The following GDE1 variants were observed in gnomAD, a reference collection of about 807,000 sequenced individuals.
GDE1 encodes the protein RGS16-interacting membrane protein.
Under a neutral mutation model 32.2 loss-of-function variants are expected in GDE1, and 24 were observed. The ratio of observed to expected loss-of-function variants is 0.75; its 90% CI spans 0.54 to 1.05. The LOEUF (loss-of-function observed/expected upper bound fraction) is 1.05. Among genes scored for constraint, GDE1 ranks in the 50% least tolerant of loss-of-function variants. The probability of loss-of-function intolerance (pLI) is 0.00; values close to 1 mark genes in which losing one functional copy is unlikely to be tolerated. For synonymous variants in GDE1, 159 were observed against 158.6 expected (o/e 1.00, Z -0.02); for missense variants, 380 against 415.0 (o/e 0.92, Z 0.73).
At chr16:19,503,728 CCT>C in intron 5 of GDE1, 111 bp from the exon 6 acceptor site, 1 of 881,658 alleles carries the variant, frequency 1.1e-6, no homozygotes, top group Non-Finnish European at 1.8e-6. Context: ...CCAGAGAATG[CCT>C]CCTAACTGGC....
Position 19,521,989 on chromosome 16 carries a change from G to C in GDE1, c.-25C>G, listed in dbSNP as rs572378276. 1.1e-5 allele frequency: 17 copies of C among 1,518,370 alleles called. No individual in the cohort carries two copies. In the South Asian group the frequency reaches 1.7e-4, roughly 15 times the overall value. The allele number at this position is 1,518,370 out of a possible 1,614,324, so 94.1% of individuals were successfully genotyped here. ...TGCCGGCGCCCGCACCGGCACGGAC[G>C]GGAGTCCCGGACCCGCCGGGCTCCT... is the stretch of plus-strand genomic sequence containing the variant. On this transcript the variant is annotated 5_prime_UTR_variant, in exon 1 of 6. Coordinates refer to ENST00000353258, the MANE Select transcript of GDE1 (RefSeq NM_016641.4).
At chr16:19,514,345 C>A (rs1458667217) in intron 2 of GDE1, among the ~76,000 whole-genome samples, 1 of 152,100 alleles carries the variant, frequency 6.6e-6, no homozygotes, top group African/African-American at 2.4e-5. Flanking sequence ...CAGGAACCTC[C>A]ATGTGTTCAA....
Position 19,504,688 on chromosome 16 carries a change from C to G in GDE1, c.848+193G>C, listed in dbSNP as rs567834930. 1.1e-5 allele frequency: 6 copies of G among 537,854 alleles called. No individual in the cohort carries two copies. In the East Asian group the frequency reaches 1.2e-4, roughly 11 times the overall value. 33.3% of individuals were successfully genotyped at this position (537,854 alleles called of 1,614,324 possible). ...CACTAAAAAACCGAAAATATGTGAT[C>G]GACTCGGTCTGAAAACAGTGAAATA... On this transcript the variant is annotated intron_variant, in intron 5 of 5. Transcript: ENST00000353258.
intron 1 of GDE1, 197 bp downstream of exon 1, chr16:19,521,507 T>C (rs1209372482): frequency 1.6e-6 from 1 of 614,920 alleles, no homozygotes. Context: ...TATATACATA[T>C]CTGCTGTCTT....
At position 19,507,766 on chromosome 16, in the gene GDE1, A is replaced by T; in HGVS notation, c.557T>A (p.Leu186Gln). The change falls in exon 4 of 6, where the codon CTA (leucine) becomes CAA (glutamine). Residue 186 changes from leucine (L) to glutamine (Q), a missense_variant. Leu to Gln is a moderately radical substitution (Grantham distance 113, BLOSUM62 -2). Transcript: ENST00000353258. ...AGGAAATTCCATATACATTTTCTTT[A>T]GAGCCTCAGTAGCCTGTAAAATAAA... ...KGHAHKATEALKKMYMEFPQL... is the reference protein window; with the variant it reads ...KGHAHKATEAQKKMYMEFPQL... 6.7e-7 allele frequency: 1 copy of T among 1,502,542 alleles called. No individual in the cohort carries two copies. The highest frequency in any genetic ancestry group is 9.3e-7 in the Non-Finnish European group (1 of 1,079,816). The allele number at this position is 1,502,542 out of a possible 1,614,324, so 93.1% of individuals were successfully genotyped here.
In GDE1 at chr16:19,501,969, G is replaced by C. The variant is rs574867373; in HGVS notation, c.*1501C>G. The C allele has an allele frequency of 6.6e-6, 1 of 152,362 alleles. No homozygotes were observed. The highest frequency in any genetic ancestry group is 1.9e-4 in the East Asian group (1 of 5,184). 9.4% of individuals were successfully genotyped at this position (152,362 alleles called of 1,614,324 possible). On this transcript the variant is annotated 3_prime_UTR_variant, in exon 6 of 6. Coordinates refer to ENST00000353258, the MANE Select transcript of GDE1 (RefSeq NM_016641.4). ...GGGCCTGGACAAAGGCCACAGATGG[G>C]GTTGAAAGGTGAGAAGCGGTAAGCT... is the stretch of plus-strand genomic sequence containing the variant.
In GDE1 at chr16:19,503,611, G is replaced by T; in HGVS notation, c.855C>A (p.Tyr285Ter). ...LMQKDFVSPA[Y>*]LKKWSAKGIQ... ...TTCCTTTAGCTGACCACTTCTTCAAGTAGGCCCTGGGGAAAGAGGAAAGCC... is the reference window on the plus strand; with the variant it reads ...TTCCTTTAGCTGACCACTTCTTCAATTAGGCCCTGGGGAAAGAGGAAAGCC... Residue 285 changes from tyrosine (Y) to a stop codon, truncating the protein, a stop_gained, in exon 6 of 6, where the codon TAC (tyrosine) becomes TAA (stop). Transcript: ENST00000353258. LOFTEE classifies it high-confidence loss of function. 1.2e-6 allele frequency: 2 copies of T among 1,613,458 alleles called. No individual in the cohort carries two copies. The highest frequency in any genetic ancestry group is 1.7e-6 in the Non-Finnish European group (2 of 1,179,504).
chr16:19,520,592 G>A (rs1304529723), intron 1 of GDE1, among the ~76,000 whole-genome samples: 2 of 151,798 alleles, frequency 1.3e-5, no homozygotes, highest in Non-Finnish European at 2.9e-5. Flanking sequence ...GGGCGTGGTG[G>A]CACACGCCTG....
rs1299989550 is a variant in GDE1, at chr16:19,510,837, A to C, written c.543+2T>G. ...AAGTGAAGTCCACAATTTAAACTGTACCTTGTGTGCATGGCCTTTGACATC... is the reference window on the plus strand; with the variant it reads ...AAGTGAAGTCCACAATTTAAACTGTCCCTTGTGTGCATGGCCTTTGACATC... On this transcript the variant is annotated splice_donor_variant, in intron 3 of 5. Coordinates refer to ENST00000353258, the MANE Select transcript of GDE1 (RefSeq NM_016641.4). LOFTEE classifies it high-confidence loss of function. 7.4e-6 allele frequency: 11 copies of C among 1,478,008 alleles called. No homozygotes were observed. The highest frequency in any genetic ancestry group is 8.4e-6 in the Non-Finnish European group (9 of 1,073,694). The allele number at this position is 1,478,008 out of a possible 1,614,324, so 91.6% of individuals were successfully genotyped here.
chr16:19,511,072 A>T (rs12923369), intron 2 of GDE1, 128 bp from the exon 3 acceptor site: 2 of 519,250 alleles, frequency 3.9e-6, no homozygotes, highest in South Asian at 6.1e-5. Context: ...TTTTTCGACC[A>T]TAGCAAAGTC....
Position 19,507,677 on chromosome 16 carries a change from C to T in GDE1, c.636+10G>A, listed in dbSNP as rs374215209. The T allele has an allele frequency of 2.8e-5, 40 of 1,418,186 alleles. No homozygotes were observed. Among genetic ancestry groups the T allele is most frequent in the South Asian group, 4.6e-5 (4 of 87,030 alleles). 87.9% of individuals were successfully genotyped at this position (1,418,186 alleles called of 1,614,324 possible). ...CACCTAATATGTACAAGAAAAATCC[C>T]GAATGTTACCTTGTAGATAACTTCT... On this transcript the variant is annotated intron_variant, in intron 4 of 5. Transcript: ENST00000353258.
intron 4 of GDE1, among the ~76,000 whole-genome samples, chr16:19,506,321 A>AAAC (rs1460898363): frequency 6.6e-6 from 1 of 152,158 alleles, no homozygotes; most frequent in Non-Finnish European, 1.5e-5. Flanking sequence ...CAAACAAAAA[A>AAAC]AACAGAGAGA....
In GDE1 at chr16:19,502,402, T is replaced by C. The variant is rs1969187401; in HGVS notation, c.*1068A>G. 1.1e-5 allele frequency: 1 copy of C among 93,392 alleles called. No individual in the cohort carries two copies. Among genetic ancestry groups the C allele is most frequent in the Admixed American group, 1.3e-4 (1 of 7,644 alleles). 5.8% of individuals were successfully genotyped at this position (93,392 alleles called of 1,614,324 possible). ...TTTTTTTTTTTTTTTTTTTTTTTTT[T>C]TAAGAGTCAGGTTCTCACTGTGCCA... On this transcript the variant is annotated 3_prime_UTR_variant, in exon 6 of 6. Transcript: ENST00000353258.
At chr16:19,509,662 T>G (rs1319019348) in intron 3 of GDE1, among the ~76,000 whole-genome samples, 26 of 61,422 alleles carry the variant, frequency 4.2e-4, no homozygotes, top group African/African-American at 2.7e-3. Context: ...ACATTTCAGG[T>G]TTTTTTTTTT....
At chr16:19,518,587 T>A (rs1267590932) in intron 1 of GDE1, among the ~76,000 whole-genome samples, 1 of 152,192 alleles carries the variant, frequency 6.6e-6, no homozygotes, top group Admixed American at 6.5e-5. Flanking sequence ...TCCCTTTCAT[T>A]CTCCTCCTTT....
Position 19,510,932 on chromosome 16 carries a change from A to G in GDE1, c.450T>C (p.Pro150=). 1 of 1,561,546 alleles carries G rather than the reference A, an allele frequency of 6.4e-7. No homozygotes were observed. The highest frequency in any genetic ancestry group is 8.8e-7 in the Non-Finnish European group (1 of 1,136,000). The change falls in exon 3 of 6, where the codon CCT becomes CCC. Residue 150 remains proline (P), a synonymous_variant. Coordinates refer to ENST00000353258, the MANE Select transcript of GDE1 (RefSeq NM_016641.4). ...AANHRLRNDF[P]DEKIPTLREA... is the part of the protein sequence containing the mutation. ...CCCTTAGGGTAGGGATCTTTTCATC[A>G]GGGAAATCATTCCTGTAAGAGAAGA...
In GDE1 at chr16:19,522,020, A is replaced by G. The variant is rs1397694936; in HGVS notation, c.-56T>C. The G allele has an allele frequency of 1.3e-6, 2 of 1,490,994 alleles. No individual in the cohort carries two copies. Among genetic ancestry groups the G allele is most frequent in the East Asian group, 2.5e-5 (1 of 40,210 alleles). The allele number at this position is 1,490,994 out of a possible 1,614,324, so 92.4% of individuals were successfully genotyped here. ...CCCGGACCCGCCGGGCTCCTGGGGC[A>G]GTAGAACGAGAAGCGAGGGGGAGGG... On this transcript the variant is annotated 5_prime_UTR_variant, in exon 1 of 6. Coordinates refer to ENST00000353258, the MANE Select transcript of GDE1 (RefSeq NM_016641.4).
chr16:19,507,518 T>C, intron 4 of GDE1, 169 bp downstream of exon 4: 1 of 581,320 alleles, frequency 1.7e-6, no homozygotes, highest in Non-Finnish European at 3.1e-6. Flanking sequence ...GTAAGGGGTA[T>C]GAGTACATTC....
chr16:19,503,916 C>T (rs112108970), intron 5 of GDE1: 7,250 of 296,732 alleles, frequency 0.024, 506 homozygotes, highest in African/African-American at 0.14. Context: ...TTGGCTTCAT[C>T]TCACACCACA....
Sources: gnomAD v4.1 joint callset for allele counts (sites outside exome capture counted in the v4.1 genomes callset) on GRCh38, gnomAD v4.1.1 for gene constraint, MANE v1.5 for transcripts, NCBI Gene and HGNC (gene_info 2026-07-23, HGNC 2026-07-21) for gene names.